Variants in SOAT1 observed in about 807,000 individuals in gnomAD.
SOAT1 encodes sterol O-acyltransferase 1, also known as acyl-coenzyme A:cholesterol acyltransferase 1.
SOAT1 carries 55 observed loss-of-function variants against 69.5 expected under a neutral mutation model. The observed-to-expected ratio is 0.79, with a 90% CI of 0.64 to 0.99. The LOEUF is 0.99. SOAT1 is among the 50% of genes least tolerant of loss of function. The probability of loss-of-function intolerance (pLI) is 0.00; values close to 1 mark genes in which losing one functional copy is unlikely to be tolerated. For missense variants in SOAT1, 580 were observed against 669.3 expected, an observed-to-expected ratio of 0.87 and a Z score of 1.47; for synonymous variants, 231 against 224.7, an observed-to-expected ratio of 1.03 and a Z score of -0.25.
chr1:179,306,706 C>T (rs1665016362), intron 2 of SOAT1, among the ~76,000 whole-genome samples: 1 of 151,760 alleles, frequency 6.6e-6, no homozygotes, highest in Non-Finnish European at 1.5e-5. Flanking sequence ...GTGGTGGGCA[C>T]CAGTAGTCCC....
intron 3 of SOAT1, among the ~76,000 whole-genome samples, chr1:179,326,620 C>T (rs544820710): frequency 2.0e-3 from 292 of 145,258 alleles, no homozygotes; most frequent in African/African-American, 6.5e-3. Flanking sequence ...TGCAGTAGCA[C>T]GATCTCTGAT....
intron 12 of SOAT1, among the ~76,000 whole-genome samples, chr1:179,348,252 G>A (rs1666600896): frequency 6.6e-6 from 1 of 152,060 alleles, no homozygotes; most frequent in Non-Finnish European, 1.5e-5. Flanking sequence ...GTTGTTTTTG[G>A]CAACACTCCA....
At chr1:179,301,341 A>G (rs549842623) in intron 1 of SOAT1, among the ~76,000 whole-genome samples, 1 of 152,162 alleles carries the variant, frequency 6.6e-6, no homozygotes, top group East Asian at 1.9e-4. Flanking sequence ...AAAAACTTCT[A>G]ATTTCTTAGG....
intron 2 of SOAT1, among the ~76,000 whole-genome samples, chr1:179,313,007 T>C (rs1665269619): frequency 6.6e-6 from 1 of 152,216 alleles, no homozygotes; most frequent in Non-Finnish European, 1.5e-5. Flanking sequence ...TAAATCAGTT[T>C]CTCGCAAAGG....
rs762911049 is a variant in SOAT1, at chr1:179,344,352, G to GTTTTTTTTT, written c.988-595_988-594insTTTTTTTTT. 3.8e-4 allele frequency among the ~76,000 whole-genome samples: 46 copies of GTTTTTTTTT among 120,550 alleles called. 17 individuals carry two copies. The highest frequency in any genetic ancestry group is 5.7e-4 in the African/African-American group (19 of 33,314). 79.1% of individuals were successfully genotyped at this position (120,550 alleles called of 152,430 possible). On this transcript the variant is annotated intron_variant, in intron 10 of 15. Coordinates refer to ENST00000367619, the MANE Select transcript of SOAT1 (RefSeq NM_003101.6). ...TATGAAGTAAGTTCTTTCATTAAGG[G>GTTTTTTTTT]GTTTTTTTTTTTTTTTTTTTTTTTT...
chr1:179,318,444 C>T (rs1448707046), intron 2 of SOAT1, among the ~76,000 whole-genome samples: 1 of 152,124 alleles, frequency 6.6e-6, no homozygotes, highest in Non-Finnish European at 1.5e-5. Flanking sequence ...GAAAAAGATT[C>T]TCAGTCAGAA....
At chr1:179,322,953 G>C (rs1665653742) in intron 2 of SOAT1, among the ~76,000 whole-genome samples, 1 of 151,480 alleles carries the variant, frequency 6.6e-6, no homozygotes, top group Non-Finnish European at 1.5e-5. Flanking sequence ...ACTGTACCCT[G>C]TGTTGCTTCA....
At chr1:179,337,565 G>A (rs1666200958) in intron 4 of SOAT1, among the ~76,000 whole-genome samples, 1 of 152,108 alleles carries the variant, frequency 6.6e-6, no homozygotes, top group African/African-American at 2.4e-5. Context: ...AAGTCCATAG[G>A]GGCTGGGTGT....
At position 179,313,631 on chromosome 1, in the gene SOAT1, C is replaced by T. The variant is rs551408404; in HGVS notation, c.119-9806C>T. Among the ~76,000 whole-genome samples the T allele has an allele frequency of 2.6e-5, 4 of 151,956 alleles. No homozygotes were observed. The South Asian group carries it at 8.3e-4, about 31-fold the overall frequency. On this transcript the variant is annotated intron_variant, in intron 2 of 15. Coordinates refer to ENST00000367619, the MANE Select transcript of SOAT1 (RefSeq NM_003101.6). ...CAGAGTTTTGCTTTTGTTGCCCAGG[C>T]TGGAGTGCAATGGTGCTATCTCTGC...
chr1:179,319,047 A>G (rs541314440), intron 2 of SOAT1, among the ~76,000 whole-genome samples: 16 of 152,254 alleles, frequency 1.1e-4, no homozygotes, highest in Admixed American at 3.3e-4. Context: ...ACCATTTAAC[A>G]TTCCCACCAG....
chr1:179,319,701 C>G (rs1280426483), intron 2 of SOAT1, among the ~76,000 whole-genome samples: 2 of 152,200 alleles, frequency 1.3e-5, no homozygotes, highest in African/African-American at 4.8e-5. Flanking sequence ...ACTGCAACTT[C>G]TGCTTCATAG....
rs141948091 is a variant in SOAT1, at chr1:179,343,630, G to A, written c.982G>A (p.Ala328Thr). The A allele has an allele frequency of 6.2e-6, 10 of 1,610,452 alleles. No homozygotes were observed. The African/African-American group carries it at 8.0e-5, about 13-fold the overall frequency. ...ATGGGGTTATGTCGCTATGAAGTTT[G>A]CACAGGTAAGTTTTTGTAACTGCCT... ...VRWGYVAMKF[A>T]QVFGCFFYVY... Residue 328 changes from alanine (A) to threonine (T), a missense_variant, in exon 10 of 16, where the codon GCA (alanine) becomes ACA (threonine). Physicochemically the swap from Ala to Thr is moderately conservative, Grantham distance 58 (BLOSUM62 0). Transcript: ENST00000367619.
At chr1:179,345,225 A>T in intron 11 of SOAT1, 149 bp downstream of exon 11, 1 of 706,376 alleles carries the variant, frequency 1.4e-6, no homozygotes, top group East Asian at 2.7e-5. Flanking sequence ...TCTACTTTAT[A>T]AATGAAGTAT....
rs1276339264 is a variant in SOAT1 at position 179,348,929 on chromosome 1, A to T, written c.1301A>T (p.Lys434Met). 2 of 1,587,226 alleles carry T rather than the reference A, an allele frequency of 1.3e-6. No individual in the cohort carries two copies. Among genetic ancestry groups the T allele is most frequent in the Admixed American group, 1.7e-5 (1 of 59,946 alleles). ...VHDWLYYYAY[K>M]DFLWFFSKRF... is the part of the protein sequence containing the mutation. ...GACTGGCTATATTACTATGCTTACA[A>T]GGACTTTCTCTGGGTAAGTAGCAAG... The change falls in exon 13 of 16, where the codon AAG becomes ATG. Residue 434 changes from lysine (K) to methionine (M), a missense_variant. Physicochemically the swap from Lys to Met is moderately conservative, Grantham distance 95. Transcript: ENST00000367619.
intron 4 of SOAT1, among the ~76,000 whole-genome samples, chr1:179,336,494 A>G (rs1017063191): frequency 1.4e-5 from 2 of 139,754 alleles, no homozygotes; most frequent in East Asian, 2.1e-4. Flanking sequence ...AAAAAAAAAA[A>G]TACTGACTAA....
intron 4 of SOAT1, among the ~76,000 whole-genome samples, chr1:179,337,264 G>A (rs1017719070): frequency 2.6e-5 from 4 of 152,120 alleles, no homozygotes; most frequent in African/African-American, 9.7e-5. Flanking sequence ...CCCTAAAGAA[G>A]ATAAGCAAGA....
chr1:179,351,544 C>T, intron 15 of SOAT1, 82 bp downstream of exon 15: 1 of 1,290,056 alleles, frequency 7.8e-7, no homozygotes, highest in Non-Finnish European at 1.1e-6. Context: ...TTGAGGAGCA[C>T]AGTAGTGGAG....
intron 11 of SOAT1, 115 bp downstream of exon 11, chr1:179,345,191 A>T: frequency 1.0e-6 from 1 of 979,510 alleles, no homozygotes; most frequent in Non-Finnish European, 1.6e-6. Context: ...CTATACATCT[A>T]TGCCCATCTT....
chr1:179,325,924 T>C (rs777319810), intron 3 of SOAT1, among the ~76,000 whole-genome samples: 1 of 152,166 alleles, frequency 6.6e-6, no homozygotes, highest in Non-Finnish European at 1.5e-5. Context: ...AAGGAGAAAG[T>C]AATGAATGAA....
Sources: allele counts gnomAD v4.1 joint callset (sites outside exome capture counted in the v4.1 genomes callset), GRCh38; gene constraint gnomAD v4.1.1; transcripts MANE v1.5; gene names NCBI Gene and HGNC (gene_info 2026-07-23, HGNC 2026-07-21).